The following MACROD2 variants were observed in gnomAD, a reference collection of about 807,000 sequenced individuals.
MACROD2 encodes the protein ADP-ribose glycohydrolase MACROD2.
MACROD2 carries 36 observed loss-of-function variants against 70.4 expected under a neutral mutation model. That is an observed-to-expected ratio of 0.51 (90% confidence interval 0.39 to 0.68). MACROD2 has a LOEUF of 0.68. Among genes scored for constraint, MACROD2 ranks in the 30% least tolerant of loss-of-function variants. The pLI is 0.00. For missense variants in MACROD2, 496 were observed against 538.4 expected (o/e 0.92, Z 0.78); for synonymous variants, 172 against 178.8 (o/e 0.96, Z 0.30).
intron 2 of MACROD2, among the ~76,000 whole-genome samples, chr20:14,072,477 G>T (rs2053859211): frequency 6.6e-6 from 1 of 151,886 alleles, no homozygotes; most frequent in Non-Finnish European, 1.5e-5. Flanking sequence ...GGGCTGCCTG[G>T]GTTCAAATCC....
intron 8 of MACROD2, among the ~76,000 whole-genome samples, chr20:15,605,441 A>C (rs1364425689): frequency 3.6e-5 from 5 of 140,234 alleles, no homozygotes; most frequent in Non-Finnish European, 3.0e-5. Context: ...GTTAGAAAAA[A>C]CAGGATGTAA....
intron 3 of MACROD2, among the ~76,000 whole-genome samples, chr20:14,421,230 G>A (rs766477708): frequency 6.6e-6 from 1 of 152,156 alleles, no homozygotes; most frequent in Non-Finnish European, 1.5e-5. Context: ...CCCATAAAAC[G>A]AGGCAGAAAG....
rs144929186 is a variant in MACROD2 at position 14,709,227 on chromosome 20, CTT to C, written c.418+24277_418+24278del. Among the ~76,000 whole-genome samples the C allele has an allele frequency of 2.4e-4, 36 of 150,400 alleles. 1 individual carries two copies. Among genetic ancestry groups the C allele is most frequent in the South Asian group, 1.0e-3 (5 of 4,766 alleles). ...TTTTTATATAACACTAAAATACTTACTTTTTTTTTTCAGTCAAAAATATATTC... is the reference window on the plus strand; with the variant it reads ...TTTTTATATAACACTAAAATACTTACTTTTTTTTCAGTCAAAAATATATTC... On this transcript the variant is annotated intron_variant, in intron 5 of 17. Coordinates refer to ENST00000684519, the MANE Select transcript of MACROD2 (RefSeq NM_001351661.2).
chr20:15,566,704 G>T (rs1182368497), intron 8 of MACROD2, among the ~76,000 whole-genome samples: 1 of 152,098 alleles, frequency 6.6e-6, no homozygotes, highest in Non-Finnish European at 1.5e-5. Context: ...CCATCTTATT[G>T]CTTAGGCCAA....
chr20:14,993,096 C>G (rs1267387773), intron 5 of MACROD2, among the ~76,000 whole-genome samples: 1 of 152,096 alleles, frequency 6.6e-6, no homozygotes, highest in Non-Finnish European at 1.5e-5. Flanking sequence ...CAGAAACCGC[C>G]TGTTTCTTTC....
intron 6 of MACROD2, among the ~76,000 whole-genome samples, chr20:15,291,949 C>T (rs1315470868): frequency 6.6e-6 from 1 of 152,122 alleles, no homozygotes; most frequent in Non-Finnish European, 1.5e-5. Context: ...CAGGAAGGTA[C>T]AAAACATCCC....
chr20:15,059,347 T>G (rs1425835836), intron 5 of MACROD2, among the ~76,000 whole-genome samples: 4 of 151,408 alleles, frequency 2.6e-5, no homozygotes, highest in African/African-American at 9.7e-5. Flanking sequence ...ATCACACCAC[T>G]GCACTCCAGC....
chr20:14,081,697 T>A (rs1018207008), intron 2 of MACROD2, among the ~76,000 whole-genome samples: 3 of 152,222 alleles, frequency 2.0e-5, no homozygotes, highest in Admixed American at 6.5e-5. Context: ...AGGTGGCCTC[T>A]AAGTGGTAAT....
At chr20:15,411,830 C>T (rs1332937147) in intron 6 of MACROD2, among the ~76,000 whole-genome samples, 1 of 152,150 alleles carries the variant, frequency 6.6e-6, no homozygotes, top group Non-Finnish European at 1.5e-5. Context: ...AAGCTGAAGC[C>T]CAGGATTAAT....
At chr20:14,790,218 A>G (rs1257380232) in intron 5 of MACROD2, among the ~76,000 whole-genome samples, 1 of 152,090 alleles carries the variant, frequency 6.6e-6, no homozygotes, top group Admixed American at 6.6e-5. Flanking sequence ...CAAATATGCC[A>G]TAGCCTTCTG....
At chr20:15,736,869 A>G (rs980898583) in intron 8 of MACROD2, among the ~76,000 whole-genome samples, 6 of 152,160 alleles carry the variant, frequency 3.9e-5, no homozygotes, top group Non-Finnish European at 4.4e-5. Flanking sequence ...TCCCATTGAT[A>G]TTGAGGGACA....
intron 5 of MACROD2, among the ~76,000 whole-genome samples, chr20:15,154,271 C>G (rs2076291617): frequency 6.6e-6 from 1 of 152,176 alleles, no homozygotes; most frequent in Admixed American, 6.5e-5. Context: ...CTCACCGTCA[C>G]TTGCAGGTAT....
chr20:15,446,687 G>A (rs868041328), intron 7 of MACROD2, among the ~76,000 whole-genome samples: 8 of 152,192 alleles, frequency 5.3e-5, no homozygotes, highest in South Asian at 2.1e-4. Context: ...CCAAGCTTCC[G>A]CAAGTTCTGA....
intron 6 of MACROD2, among the ~76,000 whole-genome samples, chr20:15,366,213 T>C (rs1480513085): frequency 6.6e-6 from 1 of 152,218 alleles, no homozygotes; most frequent in Non-Finnish European, 1.5e-5. Context: ...GTTTAAGACA[T>C]TCAGAAGAAA....
At chr20:14,964,052 GTT>G (rs552564830) in intron 5 of MACROD2, among the ~76,000 whole-genome samples, 5 of 150,482 alleles carry the variant, frequency 3.3e-5, no homozygotes, top group African/African-American at 1.2e-4. Context: ...TTTTTTCTGT[GTT>G]TTTTTTTCTT....
chr20:14,933,807 T>G (rs781389897), intron 5 of MACROD2: 2 of 152,176 alleles, frequency 1.3e-5, no homozygotes, highest in African/African-American at 2.4e-5. Context: ...AAGGCACTTG[T>G]CATTTATTGA....
At chr20:15,350,786 T>A (rs1292974010) in intron 6 of MACROD2, among the ~76,000 whole-genome samples, 1 of 152,196 alleles carries the variant, frequency 6.6e-6, no homozygotes, top group East Asian at 1.9e-4. Context: ...GACTTATTAC[T>A]GATTCTTGAT....
intron 5 of MACROD2, among the ~76,000 whole-genome samples, chr20:15,112,432 T>C (rs1359585792): frequency 1.3e-5 from 2 of 152,140 alleles, no homozygotes; most frequent in South Asian, 2.1e-4. Context: ...TGAATTCTTA[T>C]TTGATTGCCT....
chr20:14,441,198 A>C (rs111395103), intron 3 of MACROD2, among the ~76,000 whole-genome samples: 2,684 of 152,278 alleles, frequency 0.018, 72 homozygotes, highest in African/African-American at 0.06. Flanking sequence ...TGCACCTTTC[A>C]CTTTTACCCT....
Sources: gnomAD v4.1 joint callset for allele counts (sites outside exome capture counted in the v4.1 genomes callset) on GRCh38, gnomAD v4.1.1 for gene constraint, MANE v1.5 for transcripts, NCBI Gene and HGNC (gene_info 2026-07-23, HGNC 2026-07-21) for gene names.